Variants in PPP1R7 observed in about 807,000 individuals in gnomAD.
The protein encoded by PPP1R7 is protein phosphatase 1 regulatory subunit 7, also known as protein phosphatase 1 regulatory subunit 22.
A neutral mutation model predicts 45.2 loss-of-function variants in PPP1R7; 18 were observed. The ratio of observed to expected loss-of-function variants is 0.40; its 90% CI spans 0.28 to 0.59. The LOEUF (loss-of-function observed/expected upper bound fraction) is 0.59, where lower values mean the gene tolerates loss of function less well. Ranked by LOEUF, PPP1R7 falls within the 20% of genes least tolerant of loss-of-function variation. The pLI, the probability that PPP1R7 is intolerant of heterozygous loss-of-function variation, is 0.46. For missense variants in PPP1R7, 314 were observed against 455.8 expected (o/e 0.69, Z 2.83); for synonymous variants, 181 against 183.4 (o/e 0.99, Z 0.11).
At chr2:241,164,349 T>C (rs1003428159) in intron 7 of PPP1R7, among the ~76,000 whole-genome samples, 1 of 152,208 alleles carries the variant, frequency 6.6e-6, no homozygotes, top group Non-Finnish European at 1.5e-5. Flanking sequence ...ATTCCTTCCA[T>C]TGCACAGAGA....
intron 9 of PPP1R7, among the ~76,000 whole-genome samples, chr2:241,181,518 C>T (rs953156092): frequency 3.3e-5 from 5 of 152,032 alleles, no homozygotes; most frequent in South Asian, 4.1e-4. Flanking sequence ...CAGAGATCAA[C>T]ATCTCTGGCA....
chr2:241,166,898 A>G (rs2067725238), intron 8 of PPP1R7: 3 of 667,930 alleles, frequency 4.5e-6, no homozygotes, highest in African/African-American at 1.8e-5. Context: ...CAGCCCACAG[A>G]GAGCACAGGA....
At chr2:241,176,125 C>T (rs1213762256) in intron 9 of PPP1R7, among the ~76,000 whole-genome samples, 1 of 152,070 alleles carries the variant, frequency 6.6e-6, no homozygotes. Flanking sequence ...GGTGTCCAGG[C>T]TGGTCTCAAA....
At chr2:241,166,880 C>T (rs1202238841) in intron 8 of PPP1R7, among the ~76,000 whole-genome samples, 2 of 152,344 alleles carry the variant, frequency 1.3e-5, no homozygotes, top group Non-Finnish European at 2.9e-5. Flanking sequence ...GCCTCAGCCC[C>T]TACTTCCCAG....
intron 8 of PPP1R7, chr2:241,167,009 A>G (rs753230975): frequency 6.3e-7 from 1 of 1,596,232 alleles, no homozygotes. Flanking sequence ...TCACCTGTTC[A>G]TGCTCCTCCC....
At chr2:241,150,691 G>A in intron 1 of PPP1R7, 144 bp downstream of exon 1, 1 of 1,244,980 alleles carries the variant, frequency 8.0e-7, no homozygotes, top group Non-Finnish European at 1.0e-6. Context: ...AGCCGGACCC[G>A]GGGGAGCGGG....
intron 9 of PPP1R7, among the ~76,000 whole-genome samples, chr2:241,176,619 C>G (rs1255009975): frequency 6.6e-6 from 1 of 152,016 alleles, no homozygotes. Context: ...CACCACCATG[C>G]CTGGCTAATT....
chr2:241,180,035 T>C (rs752549296), intron 9 of PPP1R7, among the ~76,000 whole-genome samples: 1 of 152,222 alleles, frequency 6.6e-6, no homozygotes, highest in Non-Finnish European at 1.5e-5. Context: ...TGGAAAATGC[T>C]GTGATGTGTG....
At chr2:241,175,532 A>G (rs2067894645) in intron 9 of PPP1R7, among the ~76,000 whole-genome samples, 1 of 152,248 alleles carries the variant, frequency 6.6e-6, no homozygotes, top group Admixed American at 6.5e-5. Flanking sequence ...GGGCCAAATA[A>G]TATTCCGCAG....
At chr2:241,166,932 C>T (rs772923020) in intron 8 of PPP1R7, 1 of 897,078 alleles carries the variant, frequency 1.1e-6, no homozygotes, top group Non-Finnish European at 1.8e-6. Flanking sequence ...CCAGCCCCTT[C>T]CTCTTCTTAC....
intron 9 of PPP1R7, 146 bp downstream of exon 9, chr2:241,170,013 T>C: frequency 1.6e-6 from 1 of 632,546 alleles, no homozygotes; most frequent in Non-Finnish European, 2.8e-6. Flanking sequence ...TGGGCGCTCT[T>C]GTAGACTTGT....
At chr2:241,178,869 C>T (rs1489920098) in intron 9 of PPP1R7, among the ~76,000 whole-genome samples, 1 of 149,862 alleles carries the variant, frequency 6.7e-6, no homozygotes, top group Non-Finnish European at 1.5e-5. Context: ...CTTTGTTAAA[C>T]TGTCATGGAG....
chr2:241,169,008 A>C (rs1252044399), intron 8 of PPP1R7, among the ~76,000 whole-genome samples: 2 of 152,218 alleles, frequency 1.3e-5, no homozygotes, highest in African/African-American at 4.8e-5. Flanking sequence ...GACAGCTTGT[A>C]AATGTTTTCC....
At chr2:241,149,733 T>A (rs1427608859), upstream of PPP1R7, 1 of 1,546,430 alleles carries the variant, frequency 6.5e-7, no homozygotes, top group South Asian at 1.2e-5. Context: ...GCTCGCCTCT[T>A]GGAGGCCTCT....
chr2:241,149,723 GC>G, upstream of PPP1R7: 1 of 1,549,404 alleles, frequency 6.5e-7, no homozygotes, highest in Non-Finnish European at 8.7e-7. Flanking sequence ...GTAGCGCAGA[GC>G]TCGCCTCTTG....
chr2:241,157,186 C>T (rs2067480026), intron 2 of PPP1R7, among the ~76,000 whole-genome samples: 1 of 152,164 alleles, frequency 6.6e-6, no homozygotes, highest in Admixed American at 6.5e-5. Flanking sequence ...CCAGTCTCCC[C>T]ACTGAGAAGT....
At chr2:241,156,270 G>T (rs529029529) in intron 2 of PPP1R7, among the ~76,000 whole-genome samples, 7 of 152,344 alleles carry the variant, frequency 4.6e-5, no homozygotes, top group African/African-American at 1.7e-4. Context: ...ACAGGAGAAA[G>T]AACATCCTAT....
At chr2:241,170,441 TA>T (rs1188275312) in intron 9 of PPP1R7, among the ~76,000 whole-genome samples, 1 of 152,234 alleles carries the variant, frequency 6.6e-6, no homozygotes, top group African/African-American at 2.4e-5. Flanking sequence ...GCAGTTCCTC[TA>T]AAGGGGTTGG....
chr2:241,161,012 A>G (rs1399882018), intron 6 of PPP1R7, among the ~76,000 whole-genome samples: 1 of 140,962 alleles, frequency 7.1e-6, no homozygotes, highest in Non-Finnish European at 1.5e-5. Context: ...GAGTGAATTG[A>G]TGTACATACC....
Sources: allele counts gnomAD v4.1 joint callset (sites outside exome capture counted in the v4.1 genomes callset), GRCh38; gene constraint gnomAD v4.1.1; transcripts MANE v1.5; gene names NCBI Gene and HGNC (gene_info 2026-07-23, HGNC 2026-07-21).